The following DPH6 variants were observed in gnomAD, a reference collection of about 807,000 sequenced individuals.
DPH6 encodes diphthine--ammonia ligase.
In DPH6, 33 loss-of-function variants were observed where a neutral mutation model predicts 38.2. The ratio of observed to expected loss-of-function variants is 0.86; its 90% CI spans 0.65 to 1.15. DPH6 has a LOEUF of 1.15. Ranked by LOEUF, DPH6 falls within the 50% of genes most tolerant of loss-of-function variation. The probability of loss-of-function intolerance (pLI) is 0.00; values close to 1 mark genes in which losing one functional copy is unlikely to be tolerated. For synonymous variants in DPH6, 108 were observed against 103.0 expected (o/e 1.05, Z -0.30); for missense variants, 325 against 320.0 (o/e 1.02, Z -0.12).
chr15:35,273,280 T>A (rs1337529300), intron 3 of DPH6, among the ~76,000 whole-genome samples: 1 of 152,188 alleles, frequency 6.6e-6, no homozygotes, highest in Non-Finnish European at 1.5e-5. Flanking sequence ...CAATTTGTAG[T>A]CTTTTATCCT....
chr15:35,290,535 G>A (rs762063970), intron 3 of DPH6, among the ~76,000 whole-genome samples: 2 of 152,206 alleles, frequency 1.3e-5, no homozygotes, highest in Non-Finnish European at 2.9e-5. Context: ...GTGACAGATC[G>A]AGTCCTTCCA....
intron 3 of DPH6, among the ~76,000 whole-genome samples, chr15:35,351,045 T>G (rs2052506240): frequency 6.6e-6 from 1 of 152,192 alleles, no homozygotes; most frequent in South Asian, 2.1e-4. Flanking sequence ...ATTATTGTGT[T>G]ACTATCTAAT....
At chr15:35,230,831 G>T (rs1421136074) in intron 3 of DPH6, among the ~76,000 whole-genome samples, 2 of 152,134 alleles carry the variant, frequency 1.3e-5, no homozygotes, top group African/African-American at 4.8e-5. Flanking sequence ...GGGAGTTCAA[G>T]ACTCTGAATG....
chr15:35,246,126 A>G (rs2051636427), intron 3 of DPH6, among the ~76,000 whole-genome samples: 1 of 152,108 alleles, frequency 6.6e-6, no homozygotes, highest in South Asian at 2.1e-4. Flanking sequence ...CAAATCCTAT[A>G]AAACGGCCCC....
At chr15:35,268,342 G>A (rs1324151873) in intron 3 of DPH6, among the ~76,000 whole-genome samples, 1 of 152,036 alleles carries the variant, frequency 6.6e-6, no homozygotes, top group East Asian at 1.9e-4. Context: ...GGCAACTGCA[G>A]TAGTGCAGAT....
intron 3 of DPH6, among the ~76,000 whole-genome samples, chr15:35,348,616 T>A (rs1392648364): frequency 1.3e-5 from 2 of 152,120 alleles, no homozygotes; most frequent in East Asian, 3.9e-4. Context: ...AATAGGAAGT[T>A]GAGATTTTTT....
At chr15:35,301,022 G>C (rs1436492082) in intron 3 of DPH6, among the ~76,000 whole-genome samples, 1 of 152,118 alleles carries the variant, frequency 6.6e-6, no homozygotes, top group Non-Finnish European at 1.5e-5. Flanking sequence ...ATTATTTCTT[G>C]ATCTGAGCAA....
chr15:35,291,618 A>C (rs1324939032), intron 3 of DPH6, among the ~76,000 whole-genome samples: 1 of 152,076 alleles, frequency 6.6e-6, no homozygotes, highest in Non-Finnish European at 1.5e-5. Flanking sequence ...AAATGGCTTA[A>C]ATTTTCTTAT....
At chr15:35,386,743 C>T (rs1287940076) in intron 6 of DPH6, among the ~76,000 whole-genome samples, 1 of 151,872 alleles carries the variant, frequency 6.6e-6, no homozygotes, top group Non-Finnish European at 1.5e-5. Context: ...GGATATTAGC[C>T]CTTTGTCAGA....
intron 5 of DPH6, among the ~76,000 whole-genome samples, chr15:35,443,130 G>C (rs2053809022): frequency 6.6e-6 from 1 of 152,162 alleles, no homozygotes; most frequent in African/African-American, 2.4e-5. Flanking sequence ...TCTTAAAAAT[G>C]AGAGGGGAAA....
At chr15:35,193,011 C>T in the DPH6 span, among the ~76,000 whole-genome samples, 1 of 152,120 alleles carries the variant, frequency 6.6e-6, no homozygotes, top group African/African-American at 2.4e-5. Flanking sequence ...ATGATATGTG[C>T]TACAATGAAT....
chr15:35,384,370 C>G (rs2052915026), intron 6 of DPH6, among the ~76,000 whole-genome samples: 1 of 152,120 alleles, frequency 6.6e-6, no homozygotes, highest in Non-Finnish European at 1.5e-5. Context: ...TATTCTTTCA[C>G]TAAGTTATTC....
At chr15:35,196,948 T>C in the DPH6 span, among the ~76,000 whole-genome samples, 25 of 152,212 alleles carry the variant, frequency 1.6e-4, no homozygotes, top group African/African-American at 6.0e-4. Context: ...ATTTTCATGC[T>C]TTTAATTTTT....
At chr15:35,196,993 A>G in the DPH6 span, among the ~76,000 whole-genome samples, 1 of 152,168 alleles carries the variant, frequency 6.6e-6, no homozygotes, top group East Asian at 1.9e-4. Context: ...CTTAGTTACT[A>G]CTGAGGGTTA....
In DPH6 at chr15:35,420,260, G is replaced by A. The variant is rs72703201; in HGVS notation, c.506-9364C>T. 1.7e-3 allele frequency among the ~76,000 whole-genome samples: 264 copies of A among 152,036 alleles called. 1 individual carries two copies. The highest frequency in any genetic ancestry group is 4.3e-3 in the East Asian group (22 of 5,168). On this transcript the variant is annotated intron_variant, in intron 5 of 8. Coordinates refer to ENST00000256538, the MANE Select transcript of DPH6 (RefSeq NM_080650.4). ...AAACATCTTGAGACAAAAAAAATGC[G>A]AACACAATATCCCAAAATTTATGGG...
chr15:35,470,356 G>A (rs2054182675), intron 3 of DPH6, among the ~76,000 whole-genome samples: 1 of 151,866 alleles, frequency 6.6e-6, no homozygotes, highest in Non-Finnish European at 1.5e-5. Context: ...CAAAGAGGTC[G>A]AGGAATGAAA....
intron 5 of DPH6, among the ~76,000 whole-genome samples, chr15:35,423,831 C>T (rs970111963): frequency 1.3e-5 from 2 of 151,606 alleles, no homozygotes; most frequent in African/African-American, 2.4e-5. Flanking sequence ...AAAGACTATC[C>T]ATTCCCATTG....
chr15:35,188,694 C>T, the DPH6 span, among the ~76,000 whole-genome samples: 2 of 152,126 alleles, frequency 1.3e-5, no homozygotes, highest in Non-Finnish European at 2.9e-5. Context: ...TATGGATCCA[C>T]CACTGCTAAA....
At chr15:35,186,830 T>G in the DPH6 span, among the ~76,000 whole-genome samples, 1 of 152,198 alleles carries the variant, frequency 6.6e-6, no homozygotes, top group Non-Finnish European at 1.5e-5. Flanking sequence ...CCCCTTTTCC[T>G]TTGGTGGAAA....
Sources: allele counts gnomAD v4.1 joint callset (sites outside exome capture counted in the v4.1 genomes callset), GRCh38; gene constraint gnomAD v4.1.1; transcripts MANE v1.5; gene names NCBI Gene and HGNC (gene_info 2026-07-23, HGNC 2026-07-21).